The following BCCIP variants were observed in gnomAD, a reference collection of about 807,000 sequenced individuals.
BCCIP encodes BRCA2 and CDKN1A-interacting protein.
In BCCIP, 23 loss-of-function variants were observed where a neutral mutation model predicts 32.8. That is an observed-to-expected ratio of 0.70 (90% CI 0.51 to 0.99). BCCIP has a LOEUF of 0.99. Ranked by LOEUF, BCCIP falls within the 50% of genes least tolerant of loss-of-function variation. BCCIP has a pLI of 0.00. For missense variants in BCCIP, 378 were observed against 379.8 expected (o/e 1.00, Z 0.04); for synonymous variants, 144 against 137.6 (o/e 1.05, Z -0.33).
downstream of BCCIP, chr10:125,838,271 G>T (rs144389606): frequency 6.2e-7 from 1 of 1,613,828 alleles, no homozygotes; most frequent in African/African-American, 1.3e-5. Context: ...ATTTATGGAA[G>T]AGGACCCACT....
At position 125,831,467 on chromosome 10, in the gene BCCIP, T is replaced by C; in HGVS notation, c.459T>C (p.Cys153=). 3 of 1,614,166 alleles carry C rather than the reference T, an allele frequency of 1.9e-6. No homozygotes were observed. Among genetic ancestry groups the C allele is most frequent in the Non-Finnish European group, 2.5e-6 (3 of 1,180,008 alleles). ...EQIQELVLRF[C]EKNCEKSMVE... Reference sequence around the variant, plus strand: ...TTCAAGAGTTGGTTCTACGCTTCTGTGAGAAGAACTGTGAAAAGAGCATGG... The same window carrying C: ...TTCAAGAGTTGGTTCTACGCTTCTGCGAGAAGAACTGTGAAAAGAGCATGG... The change falls in exon 5 of 7, where the codon TGT becomes TGC. Residue 153 remains cysteine, a synonymous_variant. Coordinates refer to ENST00000278100, the MANE Select transcript of BCCIP (RefSeq NM_078468.3).
downstream of BCCIP, chr10:125,842,917 A>G (rs1854920817): frequency 5.0e-6 from 2 of 397,028 alleles, no homozygotes; most frequent in Non-Finnish European, 6.8e-6. Context: ...ATTTAAAGAA[A>G]TATATTCTCT....
At chr10:125,833,279 T>G (rs1854570628) in intron 5 of BCCIP, among the ~76,000 whole-genome samples, 2 of 152,326 alleles carry the variant, frequency 1.3e-5, no homozygotes, top group Admixed American at 1.3e-4. Context: ...TTGCTAGAAT[T>G]TAGGTTGTGT....
chr10:125,843,574 T>G (rs956730400), downstream of BCCIP, among the ~76,000 whole-genome samples: 1 of 151,364 alleles, frequency 6.6e-6, no homozygotes, highest in African/African-American at 2.4e-5. Context: ...ATGGCACCAC[T>G]GCACTCCAGC....
chr10:125,833,131 A>G (rs991052914), intron 5 of BCCIP, among the ~76,000 whole-genome samples: 1 of 151,972 alleles, frequency 6.6e-6, no homozygotes, highest in African/African-American at 2.4e-5. Context: ...CTCCAAACGA[A>G]AAAAAGAAAA....
chr10:125,843,864 G>A (rs184609096), downstream of BCCIP, among the ~76,000 whole-genome samples: 73 of 152,338 alleles, frequency 4.8e-4, 1 homozygote, highest in East Asian at 0.014. Context: ...AACCACCCAA[G>A]GGAAATCTGC....
At chr10:125,841,770 C>T (rs779600996) in exon 7 of BCCIP, 2 of 1,611,318 alleles carry the variant, frequency 1.2e-6, no homozygotes, top group Non-Finnish European at 1.7e-6. Context: ...ATTGTTAGCA[C>T]TTCATCTACA....
At chr10:125,844,914 A>G (rs1316425564), downstream of BCCIP, among the ~76,000 whole-genome samples, 2 of 152,190 alleles carry the variant, frequency 1.3e-5, no homozygotes, top group African/African-American at 4.8e-5. Context: ...CTCCACTACC[A>G]TCACTCAAAG....
exon 7 of BCCIP, chr10:125,842,031 A>C: frequency 7.3e-7 from 1 of 1,367,474 alleles, no homozygotes; most frequent in Non-Finnish European, 9.5e-7. Flanking sequence ...CAAGCAAACA[A>C]TGGACAAAAT....
intron 3 of BCCIP, among the ~76,000 whole-genome samples, chr10:125,830,064 A>G (rs1854487775): frequency 6.6e-6 from 1 of 152,198 alleles, no homozygotes; most frequent in Non-Finnish European, 1.5e-5. Flanking sequence ...GTGGCCCTCA[A>G]GCATTGCCTA....
At chr10:125,832,749 G>A (rs898345660) in intron 5 of BCCIP, among the ~76,000 whole-genome samples, 3 of 151,514 alleles carry the variant, frequency 2.0e-5, no homozygotes, top group African/African-American at 7.3e-5. Flanking sequence ...TACTATGATT[G>A]TGCCTGTGAA....
At chr10:125,826,426 G>T in intron 1 of BCCIP, 165 bp from the exon 2 acceptor site, 1 of 1,044,890 alleles carries the variant, frequency 9.6e-7, no homozygotes, top group Non-Finnish European at 1.3e-6. Context: ...TTTAAACTAG[G>T]TTACTCTGAG....
chr10:125,846,325 C>T (rs565499007), downstream of BCCIP, among the ~76,000 whole-genome samples: 80 of 152,160 alleles, frequency 5.3e-4, no homozygotes, highest in African/African-American at 1.9e-3. Context: ...AACTGGCAGC[C>T]CCAGAACAAC....
exon 8 of BCCIP, chr10:125,853,361 T>A (rs553810162): frequency 3.1e-4 from 165 of 536,608 alleles, no homozygotes; most frequent in Middle Eastern, 9.5e-4. Flanking sequence ...AATGTTAGGA[T>A]TTTCTGAAGT....
At chr10:125,853,155 T>C (rs1944113938) in exon 8 of BCCIP, 2 of 1,612,906 alleles carry the variant, frequency 1.2e-6, no homozygotes, top group Non-Finnish European at 1.7e-6. Context: ...ACAGCCCTGG[T>C]TTCTCTGAAG....
downstream of BCCIP, among the ~76,000 whole-genome samples, chr10:125,847,060 T>A (rs1467071585): frequency 6.6e-6 from 1 of 152,172 alleles, no homozygotes; most frequent in African/African-American, 2.4e-5. Flanking sequence ...TATTTTAGGG[T>A]TGGGACTTGG....
chr10:125,850,456 C>G (rs890223740), intron 7 of BCCIP, among the ~76,000 whole-genome samples: 6 of 149,418 alleles, frequency 4.0e-5, no homozygotes, highest in Admixed American at 6.7e-5. Flanking sequence ...CTCCTGAGTT[C>G]AAGTGATTCT....
chr10:125,836,901 G>T, downstream of BCCIP: 1 of 1,559,470 alleles, frequency 6.4e-7, no homozygotes, highest in Non-Finnish European at 8.8e-7. Flanking sequence ...GGGGAAGGTG[G>T]TGAGAGACAC....
chr10:125,838,380 C>G, downstream of BCCIP: 1 of 1,569,114 alleles, frequency 6.4e-7, no homozygotes, highest in Non-Finnish European at 8.6e-7. Flanking sequence ...ATCAACATCC[C>G]GAGCAATCTG....
Sources: allele counts gnomAD v4.1 joint callset (sites outside exome capture counted in the v4.1 genomes callset), GRCh38; gene constraint gnomAD v4.1.1; transcripts MANE v1.5; gene names NCBI Gene and HGNC (gene_info 2026-07-23, HGNC 2026-07-21).